The following ARRB1 variants were observed in gnomAD, a reference collection of about 807,000 sequenced individuals.
The protein encoded by ARRB1 is beta-arrestin-1.
Under a neutral mutation model 56.8 loss-of-function variants are expected in ARRB1, and 21 were observed. The ratio of observed to expected loss-of-function variants is 0.37; its 90% confidence interval spans 0.26 to 0.53. The LOEUF (loss-of-function observed/expected upper bound fraction) is 0.53. Among genes scored for constraint, ARRB1 ranks in the 20% least tolerant of loss-of-function variants. The pLI is 0.88. For synonymous variants in ARRB1, 210 were observed against 218.6 expected (o/e 0.96, Z 0.35); for missense variants, 424 against 553.7 (o/e 0.77, Z 2.35).
At chr11:75,320,021 C>T (rs1947321611) in intron 1 of ARRB1, among the ~76,000 whole-genome samples, 1 of 152,196 alleles carries the variant, frequency 6.6e-6, no homozygotes, top group African/African-American at 2.4e-5. Flanking sequence ...GAAGCCCCAT[C>T]GGGGACAGGG....
chr11:75,344,987 C>T (rs1454216797), intron 1 of ARRB1, among the ~76,000 whole-genome samples: 3 of 152,216 alleles, frequency 2.0e-5, no homozygotes, highest in African/African-American at 7.2e-5. Context: ...CTCCCGCTGA[C>T]TCGACATCAG....
In ARRB1 at chr11:75,266,378, G is replaced by A. The variant is rs1056623048; in HGVS notation, c.1146-104C>T. 3.6e-5 allele frequency: 33 copies of A among 905,496 alleles called. 1 individual carries two copies. The highest frequency in any genetic ancestry group is 1.7e-4 in the East Asian group (7 of 40,236). 56.1% of individuals were successfully genotyped at this position (905,496 alleles called of 1,614,324 possible). On this transcript the variant is annotated intron_variant, in intron 15 of 15. Transcript: ENST00000420843. ...TGACTCAGAGTATGGCTCTGGGGCC[G>A]GGGAGAACCACCCTCTCTGAGGTCT...
chr11:75,351,480 C>G, intron 1 of ARRB1, 108 bp downstream of exon 1: 1 of 1,455,938 alleles, frequency 6.9e-7, no homozygotes, highest in Non-Finnish European at 9.1e-7. Flanking sequence ...GGTACTAGAT[C>G]CCGCGGTGGC....
intron 1 of ARRB1, among the ~76,000 whole-genome samples, chr11:75,318,147 CTTTTTTTTTTTTTTT>C (rs547084580): frequency 1.3e-5 from 1 of 76,880 alleles, no homozygotes; most frequent in African/African-American, 5.7e-5. Context: ...GCATTTCTAA[CTTTTTTTTTTTTTTT>C]TTTTTTTTTT....
intron 1 of ARRB1, among the ~76,000 whole-genome samples, chr11:75,312,391 C>T (rs559633307): frequency 4.6e-5 from 7 of 152,264 alleles, no homozygotes; most frequent in Admixed American, 4.6e-4. Flanking sequence ...GTGTGGACTG[C>T]CAGGGACCTT....
rs919469190 is a variant in ARRB1 at position 75,261,868 on chromosome 11, G to A, written c.*4295C>T. ...TGAGTTTAAAAAATTATAGATATCA[G>A]AACAGGCATAGGCCTATGTCCATGA... On this transcript the variant is annotated 3_prime_UTR_variant, in exon 16 of 16. Transcript: ENST00000420843. The A allele has an allele frequency of 1.3e-5, 2 of 152,274 alleles. No homozygotes were observed. The highest frequency in any genetic ancestry group is 1.3e-4 in the Admixed American group (2 of 15,286). 9.4% of individuals were successfully genotyped at this position (152,274 alleles called of 1,614,324 possible).
chr11:75,340,792 A>G (rs1212748593), intron 1 of ARRB1, among the ~76,000 whole-genome samples: 1 of 152,160 alleles, frequency 6.6e-6, no homozygotes, highest in Non-Finnish European at 1.5e-5. Context: ...GCCTGGGGCC[A>G]GGATGCCAAG....
Position 75,263,191 on chromosome 11 carries a change from G to A in ARRB1, c.*2972C>T, listed in dbSNP as rs780842798. The stretch of plus-strand genomic sequence containing the variant: ...CCCCCACCCCTAGTTTCACTTCAAG[G>A]TATCACCTGGGCAGGCTGACTCCAG... On this transcript the variant is annotated 3_prime_UTR_variant, in exon 16 of 16. Transcript: ENST00000420843. 3.5e-4 allele frequency among the ~76,000 whole-genome samples: 54 copies of A among 152,322 alleles called. No homozygotes were observed. Among genetic ancestry groups the A allele is most frequent in the Admixed American group, 1.2e-3 (19 of 15,298 alleles).
intron 1 of ARRB1, among the ~76,000 whole-genome samples, chr11:75,337,786 CTTTTTTTTTTTTT>C (rs71036046): frequency 2.1e-3 from 82 of 38,502 alleles, no homozygotes; most frequent in Middle Eastern, 0.059. Context: ...ATTGAAATGT[CTTTTTTTTTTTTT>C]TTTTTTTTTT....
At position 75,266,091 on chromosome 11, in the gene ARRB1, A is replaced by C; in HGVS notation, c.*72T>G. The C allele has an allele frequency of 7.6e-7, 1 of 1,317,376 alleles. No individual in the cohort carries two copies. Among genetic ancestry groups the C allele is most frequent in the Non-Finnish European group, 1.1e-6 (1 of 913,066 alleles). The allele number at this position is 1,317,376 out of a possible 1,614,324, so 81.6% of individuals were successfully genotyped here. A position where few individuals can be genotyped will look rare whatever the true frequency, so the allele number is the denominator to read the frequency against. ...AACAAAGGGGAAAAGAAACCAGAAC[A>C]GGAAGAAGACGAGTAAGCATCCGAG... On this transcript the variant is annotated 3_prime_UTR_variant, in exon 16 of 16. Coordinates refer to ENST00000420843, the MANE Select transcript of ARRB1 (RefSeq NM_004041.5).
intron 1 of ARRB1, among the ~76,000 whole-genome samples, chr11:75,347,793 G>A (rs934482952): frequency 7.9e-5 from 12 of 152,110 alleles, no homozygotes; most frequent in African/African-American, 2.4e-4. Context: ...GAGATTATGC[G>A]TGTAATTCTA....
rs1015446833 is a variant in ARRB1, at chr11:75,276,777, C to G, written c.776+62G>C. The G allele has an allele frequency of 2.6e-6, 4 of 1,567,516 alleles. No homozygotes were observed. In the African/African-American group the frequency reaches 4.1e-5, roughly 16 times the overall value. ...GCCACCTGGACCTGTAACAGGACAC[C>G]TAGAGCTTCTCTTTTTCCCACCCAA... On this transcript the variant is annotated intron_variant, in intron 10 of 15. Coordinates refer to ENST00000420843, the MANE Select transcript of ARRB1 (RefSeq NM_004041.5).
At chr11:75,279,188 C>T (rs1946270908) in intron 7 of ARRB1, among the ~76,000 whole-genome samples, 1 of 152,228 alleles carries the variant, frequency 6.6e-6, no homozygotes, top group Non-Finnish European at 1.5e-5. Context: ...ACTCTCAGCA[C>T]CTATGACTGT....
intron 2 of ARRB1, among the ~76,000 whole-genome samples, chr11:75,289,492 A>C (rs1288235266): frequency 2.0e-5 from 3 of 152,018 alleles, no homozygotes; most frequent in African/African-American, 7.2e-5. Context: ...ATCTGAGTAC[A>C]CCCTGCCCCT....
At chr11:75,309,787 A>G (rs1009566505) in intron 1 of ARRB1, among the ~76,000 whole-genome samples, 1 of 152,182 alleles carries the variant, frequency 6.6e-6, no homozygotes, top group East Asian at 1.9e-4. Flanking sequence ...CCAAGAATAC[A>G]CAGGCCTTGC....
intron 1 of ARRB1, among the ~76,000 whole-genome samples, chr11:75,327,691 C>G (rs1283650365): frequency 6.6e-6 from 1 of 151,070 alleles, no homozygotes; most frequent in Admixed American, 6.6e-5. Flanking sequence ...TGGGTTCAAG[C>G]GATTCTCCTG....
chr11:75,311,370 C>T (rs1398514942), intron 1 of ARRB1, among the ~76,000 whole-genome samples: 1 of 152,074 alleles, frequency 6.6e-6, no homozygotes, highest in African/African-American at 2.4e-5. Flanking sequence ...ATTAAGAGGC[C>T]ACAGCAATTC....
intron 1 of ARRB1, among the ~76,000 whole-genome samples, chr11:75,339,161 T>C (rs2134988757): frequency 6.6e-6 from 1 of 152,336 alleles, no homozygotes; most frequent in Non-Finnish European, 1.5e-5. Flanking sequence ...TAAGACATAG[T>C]TTCTCAACTG....
intron 3 of ARRB1, among the ~76,000 whole-genome samples, chr11:75,284,840 C>G (rs1454248731): frequency 2.6e-5 from 4 of 152,056 alleles, no homozygotes; most frequent in Non-Finnish European, 5.9e-5. Context: ...GAGGCAGAGG[C>G]TGCAGTGAGC....
Sources: allele counts gnomAD v4.1 joint callset (sites outside exome capture counted in the v4.1 genomes callset), GRCh38; gene constraint gnomAD v4.1.1; transcripts MANE v1.5; gene names NCBI Gene and HGNC (gene_info 2026-07-23, HGNC 2026-07-21).